The following AKAP6 variants were observed in gnomAD, a reference collection of about 807,000 sequenced individuals.
The protein encoded by AKAP6 is A-kinase anchoring protein 6, also known as A-kinase anchor protein 6.
Under a neutral mutation model 188.5 loss-of-function variants are expected in AKAP6, and 58 were observed. The observed-to-expected ratio is 0.31, with a 90% CI of 0.25 to 0.38. The LOEUF is 0.38. Ranked by LOEUF, AKAP6 falls within the 10% of genes least tolerant of loss-of-function variation. The pLI is 1.00. For missense variants in AKAP6, 2,710 were observed against 2,740.0 expected, an observed-to-expected ratio of 0.99 and a Z score of 0.24; for synonymous variants, 989 against 998.6, an observed-to-expected ratio of 0.99 and a Z score of 0.18.
intron 7 of AKAP6, among the ~76,000 whole-genome samples, chr14:32,646,219 C>G (rs1363043472): frequency 6.6e-6 from 1 of 151,972 alleles, no homozygotes; most frequent in Non-Finnish European, 1.5e-5. Flanking sequence ...AACTAAAGGT[C>G]AGTTGTGTAT....
intron 13 of AKAP6, among the ~76,000 whole-genome samples, chr14:32,826,363 T>C (rs1405227374): frequency 6.6e-6 from 1 of 152,220 alleles, no homozygotes; most frequent in East Asian, 1.9e-4. Context: ...TATAATCACA[T>C]TCTCCATCAG....
Position 32,500,997 on chromosome 14 carries a change from G to T in AKAP6, c.325-34557G>T, listed in dbSNP as rs1233749788. ...GCATTCTAGCCTGTGGCACACCAAA[G>T]TATTTGGAAAGCTCTGCTCTATCAG... On this transcript the variant is annotated intron_variant, in intron 2 of 13. Coordinates refer to ENST00000280979, the MANE Select transcript of AKAP6 (RefSeq NM_004274.5). Among the ~76,000 whole-genome samples the T allele has an allele frequency of 3.9e-5, 6 of 152,254 alleles. No individual in the cohort carries two copies. The East Asian group carries it at 1.2e-3, about 29-fold the overall frequency.
intron 7 of AKAP6, among the ~76,000 whole-genome samples, chr14:32,642,807 A>G (rs1277356727): frequency 6.6e-6 from 1 of 152,158 alleles, no homozygotes; most frequent in East Asian, 1.9e-4. Context: ...GTGATTCCCT[A>G]TTAACATTAC....
intron 9 of AKAP6, among the ~76,000 whole-genome samples, chr14:32,717,949 G>A (rs1478982717): frequency 1.3e-5 from 2 of 152,114 alleles, no homozygotes; most frequent in Admixed American, 6.6e-5. Context: ...AGGTTCAAGA[G>A]TAGGGTTCTT....
At chr14:32,641,741 A>G (rs1009628388) in intron 7 of AKAP6, among the ~76,000 whole-genome samples, 2 of 152,268 alleles carry the variant, frequency 1.3e-5, no homozygotes, top group African/African-American at 4.8e-5. Flanking sequence ...TATTTGAGGA[A>G]ACTAAAAATG....
At chr14:32,494,798 G>A (rs1300789069) in intron 2 of AKAP6, among the ~76,000 whole-genome samples, 4 of 152,112 alleles carry the variant, frequency 2.6e-5, no homozygotes, top group African/African-American at 9.7e-5. Context: ...ATGTTTATTA[G>A]TGATGGGTCT....
At chr14:32,575,133 G>A (rs889332995) in intron 4 of AKAP6, among the ~76,000 whole-genome samples, 3 of 152,048 alleles carry the variant, frequency 2.0e-5, no homozygotes, top group Admixed American at 6.6e-5. Flanking sequence ...GTGTAACTTC[G>A]ATATTAAAAG....
chr14:32,678,576 G>A (rs1305029148), intron 8 of AKAP6, 117 bp downstream of exon 8: 5 of 1,144,634 alleles, frequency 4.4e-6, no homozygotes, highest in Non-Finnish European at 6.3e-6. Flanking sequence ...GAGAAGCTCA[G>A]TAGACTAGGC....
intron 5 of AKAP6, among the ~76,000 whole-genome samples, chr14:32,584,028 G>C (rs866501411): frequency 2.0e-5 from 3 of 152,306 alleles, no homozygotes; most frequent in Middle Eastern, 3.4e-3. Flanking sequence ...GATGAACCCG[G>C]TGCCTCAGAT....
intron 12 of AKAP6, among the ~76,000 whole-genome samples, chr14:32,800,952 G>A (rs527811142): frequency 7.9e-5 from 12 of 152,292 alleles, no homozygotes; most frequent in Admixed American, 7.8e-4. Flanking sequence ...AGGAGGTCCA[G>A]GCTGCAGTGA....
At chr14:32,514,083 G>T (rs1881393950) in intron 2 of AKAP6, among the ~76,000 whole-genome samples, 1 of 152,140 alleles carries the variant, frequency 6.6e-6, no homozygotes, top group Admixed American at 6.5e-5. Flanking sequence ...GAATAAAATT[G>T]TTGGGTCAAT....
intron 12 of AKAP6, among the ~76,000 whole-genome samples, chr14:32,817,843 T>C (rs1026646154): frequency 6.6e-6 from 1 of 152,260 alleles, no homozygotes; most frequent in Non-Finnish European, 1.5e-5. Flanking sequence ...TGTGTTGGGC[T>C]ATCATCAAAG....
intron 5 of AKAP6, among the ~76,000 whole-genome samples, chr14:32,583,925 T>C (rs137875818): frequency 0.014 from 2,170 of 152,346 alleles, 19 homozygotes; most frequent in Admixed American, 0.023. Context: ...CCCCTCACGA[T>C]TCCCGAGGGA....
At chr14:32,698,939 G>T (rs1258062006) in intron 9 of AKAP6, among the ~76,000 whole-genome samples, 1 of 152,076 alleles carries the variant, frequency 6.6e-6, no homozygotes, top group African/African-American at 2.4e-5. Flanking sequence ...TTCTATTAGA[G>T]CATTTAAAAC....
At chr14:32,586,588 G>A (rs551039896) in intron 5 of AKAP6, among the ~76,000 whole-genome samples, 11 of 152,260 alleles carry the variant, frequency 7.2e-5, no homozygotes, top group East Asian at 3.9e-4. Context: ...CTGAGATTGC[G>A]TCACTGCACT....
intron 11 of AKAP6, among the ~76,000 whole-genome samples, chr14:32,759,091 C>T (rs1051562202): frequency 6.6e-6 from 1 of 152,120 alleles, no homozygotes; most frequent in Admixed American, 6.5e-5. Flanking sequence ...TCATTATTCC[C>T]ATCTGGGAAA....
intron 1 of AKAP6, among the ~76,000 whole-genome samples, chr14:32,342,614 C>A (rs1886925562): frequency 6.6e-6 from 1 of 152,154 alleles, no homozygotes; most frequent in Non-Finnish European, 1.5e-5. Flanking sequence ...CTCTTTGAAC[C>A]TTTTCCAGCT....
chr14:32,652,814 A>G (rs1429992201), intron 7 of AKAP6, among the ~76,000 whole-genome samples: 1 of 152,208 alleles, frequency 6.6e-6, no homozygotes, highest in East Asian at 1.9e-4. Flanking sequence ...ACACTTTGGG[A>G]GGCCAAGGTG....
chr14:32,765,439 T>A lies in AKAP6; in HGVS notation c.3373-8239T>A, dbSNP rs374340975. On this transcript the variant is annotated intron_variant, in intron 11 of 13. Coordinates refer to ENST00000280979, the MANE Select transcript of AKAP6 (RefSeq NM_004274.5). ...TGTATATGATTATATATGAAATTCATCACTGCAATAATTAGATTTAGTTAA... is the reference window on the plus strand; with the variant it reads ...TGTATATGATTATATATGAAATTCAACACTGCAATAATTAGATTTAGTTAA... Among the ~76,000 whole-genome samples the A allele has an allele frequency of 2.0e-4, 30 of 152,328 alleles. No individual in the cohort carries two copies. The South Asian group carries it at 6.0e-3, about 30-fold the overall frequency.
Sources: gnomAD v4.1 joint callset for allele counts (sites outside exome capture counted in the v4.1 genomes callset) on GRCh38, gnomAD v4.1.1 for gene constraint, MANE v1.5 for transcripts, NCBI Gene and HGNC (gene_info 2026-07-23, HGNC 2026-07-21) for gene names.